FSTL4: variants seen among roughly 807,000 people sequenced by gnomAD.
FSTL4 encodes follistatin-related protein 4.
FSTL4 carries 28 observed loss-of-function variants against 78.2 expected under a neutral mutation model. That is an observed-to-expected ratio of 0.36 (90% CI 0.27 to 0.49). FSTL4 has a LOEUF of 0.49. FSTL4 is among the 20% of genes least tolerant of loss of function. FSTL4 has a pLI of 0.98. For synonymous variants in FSTL4, 422 were observed against 440.5 expected (o/e 0.96, Z 0.53); for missense variants, 922 against 1,084.9 (o/e 0.85, Z 2.11).
chr5:133,741,895 G>C, the FSTL4 span, among the ~76,000 whole-genome samples: 4 of 152,276 alleles, frequency 2.6e-5, no homozygotes, highest in East Asian at 7.7e-4. Flanking sequence ...TCAGCACCAG[G>C]CTTCAGAACT....
chr5:133,335,897 A>G (rs2126913596), intron 4 of FSTL4, among the ~76,000 whole-genome samples: 1 of 152,264 alleles, frequency 6.6e-6, no homozygotes, highest in South Asian at 2.1e-4. Flanking sequence ...ATTTGGAATG[A>G]ACTAATGGAT....
chr5:133,382,308 A>G (rs2126953906), intron 4 of FSTL4, among the ~76,000 whole-genome samples: 1 of 152,324 alleles, frequency 6.6e-6, no homozygotes, highest in East Asian at 1.9e-4. Context: ...TGCGTGAGTG[A>G]GAAACTTTTA....
intron 4 of FSTL4, among the ~76,000 whole-genome samples, chr5:133,370,985 G>A (rs1388310223): frequency 6.6e-6 from 1 of 152,178 alleles, no homozygotes; most frequent in African/African-American, 2.4e-5. Context: ...CAGCACAGAC[G>A]TGAGCTTGGA....
intron 7 of FSTL4, among the ~76,000 whole-genome samples, chr5:133,240,065 C>G (rs548849434): frequency 6.6e-6 from 1 of 152,210 alleles, no homozygotes; most frequent in African/African-American, 2.4e-5. Flanking sequence ...GCTGCTCACT[C>G]TTTAGGTTTA....
intron 13 of FSTL4, among the ~76,000 whole-genome samples, chr5:133,211,537 A>G (rs554326100): frequency 6.6e-6 from 1 of 152,194 alleles, no homozygotes; most frequent in East Asian, 1.9e-4. Flanking sequence ...AGGGGGAGAA[A>G]AACTGCATCA....
the FSTL4 span, among the ~76,000 whole-genome samples, chr5:133,736,291 A>G: frequency 6.6e-6 from 1 of 152,196 alleles, no homozygotes; most frequent in African/African-American, 2.4e-5. Context: ...CAAGTCCAGG[A>G]TACCAGTTAT....
intron 4 of FSTL4, among the ~76,000 whole-genome samples, chr5:133,332,650 T>G (rs542794288): frequency 6.6e-6 from 1 of 152,352 alleles, no homozygotes; most frequent in African/African-American, 2.4e-5. Flanking sequence ...TTCTGACTTA[T>G]GCTTTGAAAA....
intron 6 of FSTL4, among the ~76,000 whole-genome samples, chr5:133,292,163 C>T (rs538374435): frequency 5.9e-5 from 9 of 152,302 alleles, no homozygotes; most frequent in South Asian, 2.1e-4. Flanking sequence ...TGGGTCAACT[C>T]GCCAGTTCTT....
At chr5:133,742,673 C>T in the FSTL4 span, among the ~76,000 whole-genome samples, 1 of 152,126 alleles carries the variant, frequency 6.6e-6, no homozygotes, top group Non-Finnish European at 1.5e-5. Context: ...CGTGGCAAAA[C>T]CAGATAATAG....
At chr5:133,241,891 TGA>T (rs1207916432) in intron 7 of FSTL4, among the ~76,000 whole-genome samples, 1 of 152,218 alleles carries the variant, frequency 6.6e-6, no homozygotes, top group East Asian at 1.9e-4. Context: ...TTCCTGTCGT[TGA>T]GACACTCCAG....
intron 7 of FSTL4, among the ~76,000 whole-genome samples, chr5:133,239,238 C>A (rs561659661): frequency 2.1e-5 from 3 of 143,048 alleles, no homozygotes; most frequent in South Asian, 2.5e-4. Context: ...CCCCCACCCC[C>A]CTCCCTGCCA....
intron 3 of FSTL4, among the ~76,000 whole-genome samples, chr5:133,414,378 C>T (rs1377791986): frequency 6.6e-6 from 1 of 151,824 alleles, no homozygotes; most frequent in African/African-American, 2.4e-5. Flanking sequence ...TTGAGGGGCC[C>T]AGGTGTATAT....
At chr5:133,812,148 A>C in the FSTL4 span, among the ~76,000 whole-genome samples, 63 of 152,278 alleles carry the variant, frequency 4.1e-4, 1 homozygote, top group Non-Finnish European at 9.0e-4. Flanking sequence ...TACCTCCAAA[A>C]TAAATCTTGA....
At chr5:133,510,979 G>T (rs1758720732) in intron 3 of FSTL4, among the ~76,000 whole-genome samples, 1 of 152,216 alleles carries the variant, frequency 6.6e-6, no homozygotes, top group African/African-American at 2.4e-5. Flanking sequence ...CATTCTTACA[G>T]TGATTTTGTA....
chr5:133,463,106 G>A (rs926099461), intron 3 of FSTL4, among the ~76,000 whole-genome samples: 2 of 152,178 alleles, frequency 1.3e-5, no homozygotes, highest in Non-Finnish European at 2.9e-5. Flanking sequence ...ATCACGGCAG[G>A]CCCAAGGCCA....
intron 3 of FSTL4, among the ~76,000 whole-genome samples, chr5:133,507,891 T>A (rs969551328): frequency 2.6e-5 from 4 of 151,896 alleles, no homozygotes; most frequent in Non-Finnish European, 4.4e-5. Context: ...TAGAATTTTT[T>A]AAAAATACAG....
chr5:133,816,378 G>T, the FSTL4 span, among the ~76,000 whole-genome samples: 1 of 152,198 alleles, frequency 6.6e-6, no homozygotes, highest in Non-Finnish European at 1.5e-5. Context: ...TAGGATGCAG[G>T]TTGTCTCTGC....
chr5:133,694,461 T>G, the FSTL4 span, among the ~76,000 whole-genome samples: 3 of 152,270 alleles, frequency 2.0e-5, no homozygotes, highest in Non-Finnish European at 4.4e-5. Flanking sequence ...GCCAAGCACT[T>G]TGCTAGGTGC....
intron 6 of FSTL4, among the ~76,000 whole-genome samples, chr5:133,300,930 C>T (rs1358450287): frequency 1.3e-5 from 2 of 152,098 alleles, no homozygotes; most frequent in African/African-American, 2.4e-5. Context: ...AAGCCCTGAG[C>T]TTTGTCAGGA....
Sources: gnomAD v4.1 joint callset for allele counts (sites outside exome capture counted in the v4.1 genomes callset) on GRCh38, gnomAD v4.1.1 for gene constraint, MANE v1.5 for transcripts, NCBI Gene and HGNC (gene_info 2026-07-23, HGNC 2026-07-21) for gene names.